The following CTNNA3 variants were observed in gnomAD, a reference collection of about 807,000 sequenced individuals.
CTNNA3 encodes the protein catenin alpha-3.
Under a neutral mutation model 95.7 loss-of-function variants are expected in CTNNA3, and 76 were observed. The observed-to-expected ratio is 0.79, with a 90% confidence interval of 0.66 to 0.96. The LOEUF is 0.96. Ranked by LOEUF, CTNNA3 falls within the 40% of genes least tolerant of loss-of-function variation. The pLI, the probability that CTNNA3 is intolerant of heterozygous loss-of-function variation, is 0.00. For missense variants in CTNNA3, 1,191 were observed against 1,089.8 expected, an observed-to-expected ratio of 1.09 and a Z score of -1.31; for synonymous variants, 431 against 374.4, an observed-to-expected ratio of 1.15 and a Z score of -1.74.
intron 7 of CTNNA3, among the ~76,000 whole-genome samples, chr10:66,897,377 G>C (rs1845541647): frequency 6.6e-6 from 1 of 151,922 alleles, no homozygotes; most frequent in African/African-American, 2.4e-5. Flanking sequence ...CTCCAAATGT[G>C]CTTTACTTTG....
chr10:66,928,992 A>G (rs919351931), intron 7 of CTNNA3, among the ~76,000 whole-genome samples: 1 of 152,232 alleles, frequency 6.6e-6, no homozygotes, highest in African/African-American at 2.4e-5. Flanking sequence ...GCAGGAAACT[A>G]TCAAAAGATG....
chr10:66,499,803 T>C (rs572244920), intron 11 of CTNNA3, among the ~76,000 whole-genome samples: 3 of 128,446 alleles, frequency 2.3e-5, no homozygotes, highest in African/African-American at 8.1e-5. Flanking sequence ...ACAGTTGCAT[T>C]TCCTTTTTTT....
At chr10:66,288,081 CATA>C in intron 12 of CTNNA3, among the ~76,000 whole-genome samples, 1 of 152,142 alleles carries the variant, frequency 6.6e-6, no homozygotes, top group African/African-American at 2.4e-5. Flanking sequence ...GGCTTGAACT[CATA>C]ATTTTATATG....
At chr10:66,233,455 T>C (rs1006260827) in intron 13 of CTNNA3, among the ~76,000 whole-genome samples, 1 of 152,134 alleles carries the variant, frequency 6.6e-6, no homozygotes, top group Admixed American at 6.5e-5. Context: ...ATTTAGAATA[T>C]GTAAAAGTCT....
At chr10:66,444,807 C>T (rs976991888) in intron 11 of CTNNA3, among the ~76,000 whole-genome samples, 25 of 152,076 alleles carry the variant, frequency 1.6e-4, no homozygotes, top group Non-Finnish European at 2.9e-4. Flanking sequence ...ATGAACAGGA[C>T]CAAATTCACA....
intron 14 of CTNNA3, 87 bp downstream of exon 14, chr10:66,103,070 C>T: frequency 9.6e-7 from 1 of 1,040,348 alleles, no homozygotes; most frequent in Non-Finnish European, 1.5e-6. Context: ...GGAGTCCCAC[C>T]CATTAGAGGC....
intron 5 of CTNNA3, among the ~76,000 whole-genome samples, chr10:67,313,411 G>A (rs997237357): frequency 6.0e-5 from 9 of 150,710 alleles, no homozygotes; most frequent in Non-Finnish European, 1.2e-4. Context: ...CAGCCTGGGC[G>A]ACAGAGCGAG....
At chr10:66,416,604 C>G (rs1442100921) in intron 11 of CTNNA3, among the ~76,000 whole-genome samples, 1 of 151,068 alleles carries the variant, frequency 6.6e-6, no homozygotes, top group Non-Finnish European at 1.5e-5. Context: ...TCCATCAGAA[C>G]AAGAGAAAAT....
At chr10:67,495,572 T>C (rs1046349514) in intron 5 of CTNNA3, among the ~76,000 whole-genome samples, 8 of 152,192 alleles carry the variant, frequency 5.3e-5, no homozygotes, top group Non-Finnish European at 7.3e-5. Context: ...AAACCATGTC[T>C]AAGTTTATTC....
At chr10:67,692,736 T>TAAAAAAAAAAAA (rs200961420) in intron 1 of CTNNA3, among the ~76,000 whole-genome samples, 53 of 80,814 alleles carry the variant, frequency 6.6e-4, no homozygotes, top group African/African-American at 2.5e-3. Context: ...GAATGATCAA[T>TAAAAAAAAAAAA]AAAAAAAAAA....
At chr10:66,050,110 A>G (rs1387637818) in intron 15 of CTNNA3, among the ~76,000 whole-genome samples, 1 of 152,136 alleles carries the variant, frequency 6.6e-6, no homozygotes, top group Admixed American at 6.6e-5. Flanking sequence ...CTCTTTTCAC[A>G]TAGCCTACCC....
intron 15 of CTNNA3, among the ~76,000 whole-genome samples, chr10:66,016,635 C>A (rs1373323238): frequency 6.6e-6 from 1 of 152,002 alleles, no homozygotes; most frequent in Non-Finnish European, 1.5e-5. Flanking sequence ...TTTAAAAATT[C>A]TATTCATTGA....
At chr10:66,331,109 G>C (rs186131204) in intron 12 of CTNNA3, among the ~76,000 whole-genome samples, 63 of 152,038 alleles carry the variant, frequency 4.1e-4, no homozygotes, top group Non-Finnish European at 7.8e-4. Context: ...TGTTGCCATT[G>C]CTTTTGGTGT....
At chr10:65,967,079 C>T (rs1293453403) in intron 16 of CTNNA3, among the ~76,000 whole-genome samples, 1 of 152,058 alleles carries the variant, frequency 6.6e-6, no homozygotes, top group East Asian at 1.9e-4. Context: ...GTCTCAGCCT[C>T]CCGGGTAGCT....
At chr10:66,796,825 T>C (rs1333516715) in intron 7 of CTNNA3, among the ~76,000 whole-genome samples, 3 of 152,018 alleles carry the variant, frequency 2.0e-5, no homozygotes, top group African/African-American at 7.2e-5. Context: ...GCTTCTGAAA[T>C]TATAAGCCAT....
At chr10:66,648,931 T>C (rs759852104) in intron 9 of CTNNA3, among the ~76,000 whole-genome samples, 1 of 152,120 alleles carries the variant, frequency 6.6e-6, no homozygotes, top group Non-Finnish European at 1.5e-5. Flanking sequence ...GGCAAAGAAA[T>C]AGATAAGCTT....
chr10:67,018,614 G>T (rs540619971), intron 7 of CTNNA3, among the ~76,000 whole-genome samples: 21 of 152,288 alleles, frequency 1.4e-4, no homozygotes, highest in African/African-American at 5.1e-4. Context: ...GTGGGCTCTG[G>T]AGCCAGAATG....
chr10:66,328,579 T>C (rs2092284787), intron 12 of CTNNA3, among the ~76,000 whole-genome samples: 1 of 151,914 alleles, frequency 6.6e-6, no homozygotes, highest in Admixed American at 6.6e-5. Flanking sequence ...ACAGGATTTC[T>C]TTCCTGAAAT....
chr10:65,966,829 G>T, intron 16 of CTNNA3, 83 bp from the exon 17 acceptor site: 2 of 1,042,528 alleles, frequency 1.9e-6, no homozygotes, highest in Non-Finnish European at 1.4e-6. Context: ...TATTCACATG[G>T]CAGGTACCTT....
Sources: gnomAD v4.1 joint callset for allele counts (sites outside exome capture counted in the v4.1 genomes callset) on GRCh38, gnomAD v4.1.1 for gene constraint, MANE v1.5 for transcripts, NCBI Gene and HGNC (gene_info 2026-07-23, HGNC 2026-07-21) for gene names.